Variants in XPR1 observed in about 807,000 individuals in gnomAD.
XPR1 encodes xenotropic and polytropic retrovirus receptor 1, also known as solute carrier family 53 member 1.
In XPR1, 28 loss-of-function variants were observed where a neutral mutation model predicts 87.5. The ratio of observed to expected loss-of-function variants is 0.32; its 90% CI spans 0.24 to 0.44. XPR1 has a LOEUF of 0.44. Among genes scored for constraint, XPR1 ranks in the 20% least tolerant of loss-of-function variants. XPR1 has a pLI of 1.00. For missense variants in XPR1, 559 were observed against 862.3 expected (o/e 0.65, Z 4.41); for synonymous variants, 300 against 306.1 (o/e 0.98, Z 0.21).
intron 11 of XPR1, among the ~76,000 whole-genome samples, chr1:180,861,118 T>C (rs1652206217): frequency 6.6e-6 from 1 of 152,144 alleles, no homozygotes; most frequent in Non-Finnish European, 1.5e-5. Context: ...CTCATTTTGT[T>C]ATCTCCTACT....
At chr1:180,721,193 CCTGGGTG>C (rs1389749757) in intron 2 of XPR1, among the ~76,000 whole-genome samples, 2 of 150,918 alleles carry the variant, frequency 1.3e-5, no homozygotes, top group Non-Finnish European at 2.9e-5. Context: ...GGCACTGTAG[CCTGGGTG>C]ACAAGAACAA....
rs1416505396 is a variant in XPR1 at position 180,701,866 on chromosome 1, G to T, written c.121+19455G>T. 9.8e-4 allele frequency among the ~76,000 whole-genome samples: 131 copies of T among 133,332 alleles called. 5 individuals are homozygous for T. Among genetic ancestry groups the T allele is most frequent in the Non-Finnish European group, 1.6e-3 (104 of 63,926 alleles). The allele number at this position is 133,332 out of a possible 152,430, so 87.5% of individuals were successfully genotyped here. On this transcript the variant is annotated intron_variant, in intron 2 of 14. Coordinates refer to ENST00000367590, the MANE Select transcript of XPR1 (RefSeq NM_004736.4). ...GTCTTGCTAGCGGTCTATCAATTTT[G>T]TTGATCCTTTCAAAAAACCAGCTCC... is the stretch of plus-strand genomic sequence containing the variant.
intron 1 of XPR1, among the ~76,000 whole-genome samples, chr1:180,656,401 ATATT>A (rs1164695723): frequency 0.015 from 726 of 48,136 alleles, 33 homozygotes; most frequent in African/African-American, 0.053. Flanking sequence ...TTATATATAA[ATATT>A]TATATATTTA....
At chr1:180,791,540 G>A (rs1649379329) in intron 3 of XPR1, among the ~76,000 whole-genome samples, 1 of 152,130 alleles carries the variant, frequency 6.6e-6, no homozygotes, top group African/African-American at 2.4e-5. Flanking sequence ...GTCTCCCAAA[G>A]TGCTTGGATT....
intron 2 of XPR1, among the ~76,000 whole-genome samples, chr1:180,696,013 C>CT (rs1388214255): frequency 6.6e-6 from 1 of 151,356 alleles, no homozygotes; most frequent in Non-Finnish European, 1.5e-5. Flanking sequence ...CTGTAGATTG[C>CT]TTTGGGTAGT....
intron 4 of XPR1, among the ~76,000 whole-genome samples, chr1:180,805,552 A>G (rs1649961237): frequency 6.6e-6 from 1 of 152,234 alleles, no homozygotes; most frequent in African/African-American, 2.4e-5. Context: ...AGTTAAGAGC[A>G]CTAGATGATC....
At chr1:180,860,164 C>T (rs769751357) in intron 11 of XPR1, among the ~76,000 whole-genome samples, 1 of 151,906 alleles carries the variant, frequency 6.6e-6, no homozygotes, top group Non-Finnish European at 1.5e-5. Flanking sequence ...CAACTAGATA[C>T]TACAAAATGT....
intron 1 of XPR1, among the ~76,000 whole-genome samples, chr1:180,659,802 C>T (rs1271512379): frequency 7.3e-6 from 1 of 136,374 alleles, no homozygotes; most frequent in Admixed American, 7.1e-5. Context: ...CAGGCGTGAG[C>T]CACCACGCCC....
At chr1:180,684,574 T>C (rs1305753556) in intron 2 of XPR1, among the ~76,000 whole-genome samples, 1 of 152,152 alleles carries the variant, frequency 6.6e-6, no homozygotes, top group East Asian at 1.9e-4. Flanking sequence ...TAAATTACCT[T>C]GGGCAGTATG....
chr1:180,863,969 C>A, intron 12 of XPR1, 95 bp downstream of exon 12: 1 of 937,596 alleles, frequency 1.1e-6, no homozygotes, highest in Non-Finnish European at 1.4e-6. Context: ...AATTATATTA[C>A]TCTAATATAA....
chr1:180,669,475 C>G (rs567454138), intron 1 of XPR1, among the ~76,000 whole-genome samples: 2 of 151,998 alleles, frequency 1.3e-5, no homozygotes, highest in African/African-American at 2.4e-5. Context: ...CTCCGCCTTC[C>G]GGGTTCAAGC....
chr1:180,846,873 G>A (rs901273562), intron 11 of XPR1, among the ~76,000 whole-genome samples: 4 of 149,986 alleles, frequency 2.7e-5, no homozygotes, highest in African/African-American at 9.9e-5. Context: ...AAAAAAAAAT[G>A]ATGCCACTTA....
At chr1:180,667,348 A>T (rs1040642705) in intron 1 of XPR1, among the ~76,000 whole-genome samples, 6 of 152,114 alleles carry the variant, frequency 3.9e-5, no homozygotes, top group African/African-American at 1.4e-4. Flanking sequence ...TCAAGTGATC[A>T]TGTGATATCC....
chr1:180,864,903 G>GGT (rs1652338047), intron 12 of XPR1, among the ~76,000 whole-genome samples: 1 of 152,132 alleles, frequency 6.6e-6, no homozygotes, highest in African/African-American at 2.4e-5. Flanking sequence ...TTGTTTATGA[G>GGT]GTAAGTATGT....
At chr1:180,831,366 T>TTCTTTC (rs1315699639) in intron 9 of XPR1, among the ~76,000 whole-genome samples, 15 of 132,662 alleles carry the variant, frequency 1.1e-4, no homozygotes, top group African/African-American at 1.9e-4. Flanking sequence ...CTTTTTCTTT[T>TTCTTTC]TTTTTTTTTT....
At position 180,814,093 on chromosome 1, in the gene XPR1, A is replaced by G. The variant is rs565259081; in HGVS notation, c.763+2605A>G. Among the ~76,000 whole-genome samples the G allele has an allele frequency of 2.0e-5, 3 of 152,332 alleles. No individual in the cohort carries two copies. In the East Asian group the frequency reaches 5.8e-4, roughly 29 times the overall value. ...ATAGTAGATGTTCGAGAGATAATTTACTGAACTAATTATTCCTCATAAACA... is the reference window on the plus strand; with the variant it reads ...ATAGTAGATGTTCGAGAGATAATTTGCTGAACTAATTATTCCTCATAAACA... On this transcript the variant is annotated intron_variant, in intron 7 of 14. Coordinates refer to ENST00000367590, the MANE Select transcript of XPR1 (RefSeq NM_004736.4).
intron 3 of XPR1, among the ~76,000 whole-genome samples, chr1:180,802,783 G>T (rs1467639567): frequency 6.6e-6 from 1 of 151,986 alleles, no homozygotes; most frequent in East Asian, 1.9e-4. Flanking sequence ...TACAATATTG[G>T]GTATTTTGTG....
intron 2 of XPR1, among the ~76,000 whole-genome samples, chr1:180,709,662 C>T (rs1362790215): frequency 6.6e-6 from 1 of 152,072 alleles, no homozygotes; most frequent in Non-Finnish European, 1.5e-5. Context: ...ATTTTTTTTC[C>T]ATGTCTTCAC....
In XPR1 at chr1:180,663,867, C is replaced by T. The variant is rs567451312; in HGVS notation, c.70-18493C>T. On this transcript the variant is annotated intron_variant, in intron 1 of 14. Coordinates refer to ENST00000367590, the MANE Select transcript of XPR1 (RefSeq NM_004736.4). The stretch of plus-strand genomic sequence containing the variant: ...GGCGCTGAAACCATTGTTCTTTCTA[C>T]TCTTTCCTTCCCTTTTCTCAGGCAG... Among the ~76,000 whole-genome samples, 8 of 152,300 alleles carry T rather than the reference C, an allele frequency of 5.3e-5. No homozygotes were observed. The South Asian group carries it at 1.7e-3, about 32-fold the overall frequency.
Sources: allele counts gnomAD v4.1 joint callset (sites outside exome capture counted in the v4.1 genomes callset), GRCh38; gene constraint gnomAD v4.1.1; transcripts MANE v1.5; gene names NCBI Gene and HGNC (gene_info 2026-07-23, HGNC 2026-07-21).